NT5DC1: variants seen among roughly 807,000 people sequenced by gnomAD.
NT5DC1 encodes 5'-nucleotidase domain-containing protein 1.
A neutral mutation model predicts 59.4 loss-of-function variants in NT5DC1; 42 were observed. The ratio of observed to expected loss-of-function variants is 0.71; its 90% CI spans 0.55 to 0.92. NT5DC1 has a LOEUF of 0.92. NT5DC1 is among the 40% of genes least tolerant of loss of function. The pLI, the probability that NT5DC1 is intolerant of heterozygous loss-of-function variation, is 0.00. For missense variants in NT5DC1, 501 were observed against 537.1 expected, an observed-to-expected ratio of 0.93 and a Z score of 0.66; for synonymous variants, 172 against 188.1, an observed-to-expected ratio of 0.91 and a Z score of 0.70.
intron 7 of NT5DC1, among the ~76,000 whole-genome samples, chr6:116,221,894 G>T (rs1371650787): frequency 2.0e-5 from 3 of 152,170 alleles, no homozygotes; most frequent in African/African-American, 7.2e-5. Flanking sequence ...ATAGACTTCA[G>T]TGTGTAAATA....
chr6:116,171,684 A>G (rs759602631), intron 6 of NT5DC1, among the ~76,000 whole-genome samples: 3 of 152,284 alleles, frequency 2.0e-5, no homozygotes, highest in African/African-American at 4.8e-5. Context: ...TGCTGTTTCT[A>G]TTCTACTTTT....
At chr6:116,147,678 A>T (rs1366819808) in intron 6 of NT5DC1, among the ~76,000 whole-genome samples, 1 of 152,158 alleles carries the variant, frequency 6.6e-6, no homozygotes, top group Non-Finnish European at 1.5e-5. Context: ...CTGTTACAAG[A>T]CTTTATATAA....
intron 11 of NT5DC1, among the ~76,000 whole-genome samples, chr6:116,241,939 C>CAAAAAAA (rs1280732737): frequency 8.3e-5 from 1 of 12,030 alleles, no homozygotes; most frequent in African/African-American, 3.0e-4. Flanking sequence ...AAAAAAAAAA[C>CAAAAAAA]AAAACAAAAA....
intron 4 of NT5DC1, among the ~76,000 whole-genome samples, chr6:116,112,500 A>C (rs1354213244): frequency 2.0e-5 from 3 of 152,200 alleles, no homozygotes; most frequent in African/African-American, 7.2e-5. Context: ...TATTTTTTAA[A>C]GGTATACAAA....
At chr6:116,213,887 T>C (rs1379341069) in intron 6 of NT5DC1, among the ~76,000 whole-genome samples, 2 of 152,138 alleles carry the variant, frequency 1.3e-5, no homozygotes, top group East Asian at 3.9e-4. Context: ...CACTATGAGA[T>C]GGATACTTTA....
chr6:116,212,135 T>G (rs1379769575), intron 6 of NT5DC1, among the ~76,000 whole-genome samples: 22 of 152,104 alleles, frequency 1.4e-4, no homozygotes, highest in Admixed American at 1.4e-3. Flanking sequence ...TATTAAAAAG[T>G]TAATAACTCT....
rs990766528 is a variant in NT5DC1, at chr6:116,142,837, G to A, written c.529+24892G>A. 9.2e-5 allele frequency among the ~76,000 whole-genome samples: 14 copies of A among 152,102 alleles called. No individual in the cohort carries two copies. In the East Asian group the frequency reaches 2.1e-3, roughly 23 times the overall value. On this transcript the variant is annotated intron_variant, in intron 6 of 11. Transcript: ENST00000319550. Reference sequence around the variant, plus strand: ...TTTATCAGTTCTAAAAGTTATTTTCGTGTTCTGATGCCTTCATTACATCTG... The same window carrying A: ...TTTATCAGTTCTAAAAGTTATTTTCATGTTCTGATGCCTTCATTACATCTG...
At chr6:116,238,904 G>T (rs1356988742) in intron 10 of NT5DC1, 51 bp from the exon 11 acceptor site, 3 of 1,165,088 alleles carry the variant, frequency 2.6e-6, no homozygotes, top group Non-Finnish European at 3.8e-6. Flanking sequence ...AAAATTATGA[G>T]ATTGAACATT....
At chr6:116,235,730 A>G (rs1782102460) in intron 8 of NT5DC1, among the ~76,000 whole-genome samples, 1 of 152,232 alleles carries the variant, frequency 6.6e-6, no homozygotes, top group Non-Finnish European at 1.5e-5. Context: ...CAGAGATTTA[A>G]TGTTGTTGTC....
chr6:116,110,159 G>A (rs1471819251), intron 3 of NT5DC1, among the ~76,000 whole-genome samples: 1 of 152,222 alleles, frequency 6.6e-6, no homozygotes, highest in Non-Finnish European at 1.5e-5. Flanking sequence ...ACAGGTAACT[G>A]AAACTGTGGG....
intron 6 of NT5DC1, among the ~76,000 whole-genome samples, chr6:116,202,555 T>A (rs1445698694): frequency 6.6e-6 from 1 of 152,010 alleles, no homozygotes; most frequent in Non-Finnish European, 1.5e-5. Context: ...TATTTTCTTT[T>A]ACAGATGCAA....
At chr6:116,106,099 A>C in intron 1 of NT5DC1, 145 bp from the exon 2 acceptor site, 1 of 671,668 alleles carries the variant, frequency 1.5e-6, no homozygotes, top group Non-Finnish European at 2.7e-6. Flanking sequence ...GTGAAGGAGA[A>C]TTATACTGCA....
rs1025403235 is a variant in NT5DC1, at chr6:116,137,778, T to A, written c.529+19833T>A. Among the ~76,000 whole-genome samples, 5 of 152,262 alleles carry A rather than the reference T, an allele frequency of 3.3e-5. No homozygotes were observed. The East Asian group carries it at 5.8e-4, about 18-fold the overall frequency. On this transcript the variant is annotated intron_variant, in intron 6 of 11. Coordinates refer to ENST00000319550, the MANE Select transcript of NT5DC1 (RefSeq NM_152729.3). ...CAGTTATCTTTTAGAGTTGTGAGAA[T>A]CTATTAGAAAATGCCCAGCTTGGCC...
chr6:116,106,638 GT>G (rs1778773601), intron 2 of NT5DC1, among the ~76,000 whole-genome samples: 1 of 152,206 alleles, frequency 6.6e-6, no homozygotes, highest in Non-Finnish European at 1.5e-5. Context: ...AGTAAGAACT[GT>G]TTCTAAAATT....
intron 6 of NT5DC1, among the ~76,000 whole-genome samples, chr6:116,196,642 A>G (rs1355096218): frequency 6.6e-6 from 1 of 152,038 alleles, no homozygotes; most frequent in Non-Finnish European, 1.5e-5. Flanking sequence ...TCATTACACT[A>G]AACAAAATAG....
chr6:116,168,656 G>A (rs1306033748), intron 6 of NT5DC1, among the ~76,000 whole-genome samples: 1 of 151,254 alleles, frequency 6.6e-6, no homozygotes, highest in African/African-American at 2.4e-5. Context: ...ATATTATATT[G>A]TCTCCTTGAG....
chr6:116,186,104 A>G (rs1780991059), intron 6 of NT5DC1, among the ~76,000 whole-genome samples: 1 of 152,072 alleles, frequency 6.6e-6, no homozygotes, highest in Non-Finnish European at 1.5e-5. Flanking sequence ...TCTAAAAAAG[A>G]CTGTGTCTTC....
intron 6 of NT5DC1, among the ~76,000 whole-genome samples, chr6:116,160,567 A>G (rs930643646): frequency 5.9e-5 from 9 of 151,924 alleles, no homozygotes; most frequent in African/African-American, 1.5e-4. Context: ...CTCATTCTGT[A>G]TATTGTCTAT....
intron 6 of NT5DC1, among the ~76,000 whole-genome samples, chr6:116,176,723 A>T (rs370067146): frequency 6.6e-6 from 1 of 152,050 alleles, no homozygotes; most frequent in Non-Finnish European, 1.5e-5. Context: ...CCAGCTGCTT[A>T]AGCCTTTTGT....
Sources: gnomAD v4.1 joint callset for allele counts (sites outside exome capture counted in the v4.1 genomes callset) on GRCh38, gnomAD v4.1.1 for gene constraint, MANE v1.5 for transcripts, NCBI Gene and HGNC (gene_info 2026-07-23, HGNC 2026-07-21) for gene names.